Variants in FHIP2A observed in about 807,000 individuals in gnomAD.
FHIP2A encodes family with sequence similarity 160 member B1.
FHIP2A carries 46 observed loss-of-function variants against 93.5 expected under a neutral mutation model. That is an observed-to-expected ratio of 0.49 (90% CI 0.39 to 0.63). FHIP2A has a LOEUF of 0.63. FHIP2A is among the 20% of genes least tolerant of loss of function. The pLI, the probability that FHIP2A is intolerant of heterozygous loss-of-function variation, is 0.00. For synonymous variants in FHIP2A, 332 were observed against 326.5 expected (o/e 1.02, Z -0.18); for missense variants, 769 against 909.7 (o/e 0.85, Z 1.99).
chr10:114,842,709 G>A (rs899931843), intron 5 of FHIP2A, among the ~76,000 whole-genome samples: 5 of 152,136 alleles, frequency 3.3e-5, no homozygotes, highest in Admixed American at 2.0e-4. Context: ...TATGGTCAGT[G>A]TAAAACATTT....
At chr10:114,859,778 G>A (rs777665844) in intron 14 of FHIP2A, among the ~76,000 whole-genome samples, 2 of 152,144 alleles carry the variant, frequency 1.3e-5, no homozygotes, top group South Asian at 2.1e-4. Flanking sequence ...CAAGTGTGAG[G>A]AACTGTACAC....
intron 13 of FHIP2A, among the ~76,000 whole-genome samples, chr10:114,851,653 T>G (rs1209459596): frequency 6.7e-6 from 1 of 149,532 alleles, no homozygotes; most frequent in African/African-American, 2.5e-5. Flanking sequence ...CAAAATTGTT[T>G]TGGCTATTTG....
chr10:114,827,127 C>G (rs1186942336), intron 1 of FHIP2A, among the ~76,000 whole-genome samples: 2 of 152,208 alleles, frequency 1.3e-5, no homozygotes, highest in Non-Finnish European at 2.9e-5. Flanking sequence ...GTATATTGGA[C>G]ACAGTCAAGA....
chr10:114,841,317 G>A (rs1435917939), intron 5 of FHIP2A, among the ~76,000 whole-genome samples: 1 of 136,750 alleles, frequency 7.3e-6, no homozygotes, highest in Non-Finnish European at 1.6e-5. Flanking sequence ...TTTTGAGGTG[G>A]AGTCTTGCTC....
intron 16 of FHIP2A, among the ~76,000 whole-genome samples, chr10:114,881,727 C>G (rs145969519): frequency 6.6e-6 from 1 of 152,304 alleles, no homozygotes; most frequent in East Asian, 1.9e-4. Flanking sequence ...GCAGGGAGAT[C>G]TACACATTTC....
At chr10:114,829,985 G>A (rs895850961) in intron 1 of FHIP2A, among the ~76,000 whole-genome samples, 5 of 152,120 alleles carry the variant, frequency 3.3e-5, no homozygotes, top group African/African-American at 1.2e-4. Flanking sequence ...TCTTGTTCAA[G>A]TAGTTATTTT....
At chr10:114,831,749 A>T (rs1490527803) in intron 2 of FHIP2A, among the ~76,000 whole-genome samples, 1 of 152,176 alleles carries the variant, frequency 6.6e-6, no homozygotes, top group Admixed American at 6.5e-5. Context: ...TATTAGTTCC[A>T]TTTTATAGTT....
exon 17 of FHIP2A, chr10:114,899,593 T>C (rs1382355875): frequency 1.4e-6 from 1 of 715,360 alleles, no homozygotes; most frequent in South Asian, 1.5e-5. Flanking sequence ...CAAAAAATCT[T>C]GGGCCTTGGA....
chr10:114,843,989 A>G, intron 7 of FHIP2A, 52 bp downstream of exon 7: 1 of 1,385,126 alleles, frequency 7.2e-7, no homozygotes, highest in Non-Finnish European at 9.7e-7. Flanking sequence ...TAACACCTAC[A>G]TTTTAAAATC....
intron 5 of FHIP2A, among the ~76,000 whole-genome samples, chr10:114,838,870 C>T (rs1489036683): frequency 2.0e-5 from 3 of 152,128 alleles, no homozygotes; most frequent in Non-Finnish European, 4.4e-5. Context: ...TTCTCCAAAG[C>T]CTGAGGTGGT....
downstream of FHIP2A, among the ~76,000 whole-genome samples, chr10:114,867,528 A>G (rs1462373805): frequency 1.3e-5 from 2 of 152,194 alleles, no homozygotes; most frequent in Non-Finnish European, 2.9e-5. Context: ...CAGCTAAAGC[A>G]TTTGTAGAAC....
chr10:114,882,749 C>T (rs1032190096), intron 16 of FHIP2A, among the ~76,000 whole-genome samples: 1 of 152,048 alleles, frequency 6.6e-6, no homozygotes, highest in South Asian at 2.1e-4. Context: ...GTGGTATGCA[C>T]CTGTAGTCCA....
At chr10:114,875,639 G>A (rs1029888624) in intron 16 of FHIP2A, among the ~76,000 whole-genome samples, 2 of 151,960 alleles carry the variant, frequency 1.3e-5, no homozygotes, top group Non-Finnish European at 2.9e-5. Context: ...AGGTTTCAGT[G>A]AGCCAAGATT....
intron 1 of FHIP2A, among the ~76,000 whole-genome samples, chr10:114,828,314 G>C (rs1293642711): frequency 6.6e-6 from 1 of 152,070 alleles, no homozygotes. Flanking sequence ...AGACTTCTCT[G>C]TCTGGTGACC....
intron 5 of FHIP2A, among the ~76,000 whole-genome samples, chr10:114,836,645 G>A (rs1420808885): frequency 1.3e-5 from 2 of 152,186 alleles, no homozygotes; most frequent in East Asian, 1.9e-4. Context: ...ATGGAAAAAA[G>A]CACGAGTTAT....
intron 1 of FHIP2A, among the ~76,000 whole-genome samples, chr10:114,829,391 A>G (rs2083595260): frequency 2.0e-5 from 3 of 152,182 alleles, no homozygotes; most frequent in South Asian, 4.1e-4. Context: ...TTTTTAGACT[A>G]TATAAGGATG....
Position 114,835,651 on chromosome 10 carries a change from T to TC in FHIP2A, c.399+15dup. On this transcript the variant is annotated intron_variant, in intron 4 of 16. Transcript: ENST00000369248. ...GCACAGGCCAGTGCAGGTATTTTGT[T>TC]CCCCCTACATAAAATCATTTTGTTT... 7.0e-7 allele frequency: 1 copy of TC among 1,423,152 alleles called. No homozygotes were observed. The highest frequency in any genetic ancestry group is 9.6e-7 in the Non-Finnish European group (1 of 1,038,866). The allele number at this position is 1,423,152 out of a possible 1,614,324, so 88.2% of individuals were successfully genotyped here. A position where few individuals can be genotyped will look rare whatever the true frequency, so the allele number is the denominator to read the frequency against.
chr10:114,895,787 A>G (rs755594738), intron 16 of FHIP2A, among the ~76,000 whole-genome samples: 3 of 152,216 alleles, frequency 2.0e-5, no homozygotes, highest in Non-Finnish European at 4.4e-5. Context: ...TAAACGAGCA[A>G]AAAAGATTCT....
rs1192648682 is a variant in FHIP2A, at chr10:114,822,142, G to A, written c.45+19G>A. 2.3e-6 allele frequency: 3 copies of A among 1,301,202 alleles called. No homozygotes were observed. Among genetic ancestry groups the A allele is most frequent in the Non-Finnish European group, 3.0e-6 (3 of 1,003,414 alleles). 80.6% of individuals were successfully genotyped at this position (1,301,202 alleles called of 1,614,324 possible). The stretch of plus-strand genomic sequence containing the variant: ...GGAGGCGGTAAGGCCGCGGGCTGCG[G>A]GCGCACGGCAGGCCGGGGATGGCGG... On this transcript the variant is annotated intron_variant, in intron 1 of 16. Coordinates refer to ENST00000369248, the MANE Select transcript of FHIP2A (RefSeq NM_020940.4).
Sources: allele counts gnomAD v4.1 joint callset (sites outside exome capture counted in the v4.1 genomes callset), GRCh38; gene constraint gnomAD v4.1.1; transcripts MANE v1.5; gene names NCBI Gene and HGNC (gene_info 2026-07-23, HGNC 2026-07-21).